The following RECQL4 variants were observed in gnomAD, a reference collection of about 807,000 sequenced individuals.
RECQL4 encodes the protein ATP-dependent DNA helicase Q4.
In RECQL4, 158 loss-of-function variants were observed where a neutral mutation model predicts 128.6. That is an observed-to-expected ratio of 1.23 (90% CI 1.08 to 1.40). The LOEUF (loss-of-function observed/expected upper bound fraction) is 1.40, where lower values mean the gene tolerates loss of function less well. RECQL4 is among the 40% of genes most tolerant of loss of function. The probability of loss-of-function intolerance (pLI) is 0.00; values close to 1 mark genes in which losing one functional copy is unlikely to be tolerated. For synonymous variants in RECQL4, 996 were observed against 678.9 expected (o/e 1.47, Z -7.26); for missense variants, 2,293 against 1,649.8 (o/e 1.39, Z -6.75).
Position 144,513,201 on chromosome 8 carries a change from G to T in RECQL4, c.2463+17C>A, listed in dbSNP as rs768547109. 5.4e-5 allele frequency: 41 copies of T among 762,572 alleles called. No homozygotes were observed. The South Asian group carries it at 8.3e-4, about 15-fold the overall frequency. The allele number at this position is 762,572 out of a possible 1,614,324, so 47.2% of individuals were successfully genotyped here. A position where few individuals can be genotyped will look rare whatever the true frequency, so the allele number is the denominator to read the frequency against. On this transcript the variant is annotated intron_variant, in intron 14 of 20. Transcript: ENST00000617875. ...GGGGGCTCGAGCACTGGCAGTGTGG[G>T]GGGGGGGGGTGCCAACCTGGGGCTG...
rs1357267553 is a variant in RECQL4, at chr8:144,517,429, G to A, written c.198C>T (p.Pro66=). 3.8e-6 allele frequency: 6 copies of A among 1,582,044 alleles called. No individual in the cohort carries two copies. The highest frequency in any genetic ancestry group is 3.5e-5 in the Admixed American group (2 of 57,050). ...GCCTGGGTACCTCTTCGGCCGCCGC[G>A]GGGAGCGACTCGGAGCTGCGGAGCC... The part of the protein sequence containing the change: ...GGGLRSSESL[P]AAAEEAPEPR... The change falls in exon 3 of 21, where the codon CCC becomes CCT. Residue 66 remains proline, a synonymous_variant. Transcript: ENST00000617875.
chr8:144,517,231 G>A (rs894769497), intron 3 of RECQL4, 41 bp from the exon 4 acceptor site: 2 of 1,554,902 alleles, frequency 1.3e-6, no homozygotes, highest in Non-Finnish European at 1.7e-6. Context: ...AAAGGCTGTT[G>A]TGGCGGCAGA....
chr8:144,512,553 G>A lies in RECQL4; in HGVS notation c.2894C>T (p.Pro965Leu), dbSNP rs766038992. 61 of 1,612,404 alleles carry A rather than the reference G, an allele frequency of 3.8e-5. No homozygotes were observed. The highest frequency in any genetic ancestry group is 4.7e-5 in the Non-Finnish European group (56 of 1,179,780). Reference sequence around the variant, plus strand: ...CTGCTGGGCCAAGCACACAGCCAAAGGGGGACACCTGTGCCCAGGGAAAAA... The same window carrying A: ...CTGCTGGGCCAAGCACACAGCCAAAAGGGGACACCTGTGCCCAGGGAAAAA... ...QLQALAHRCP[P>L]LAVCLAQQLP... Residue 965 changes from proline to leucine, a missense_variant, in exon 17 of 21, where the codon CCT becomes CTT. By Grantham distance (98) the Pro-to-Leu change is moderately conservative (BLOSUM62 -3). Coordinates refer to ENST00000617875, the MANE Select transcript of RECQL4 (RefSeq NM_004260.4).
At chr8:144,517,328 A>C in intron 3 of RECQL4, 86 bp downstream of exon 3, 1 of 1,481,278 alleles carries the variant, frequency 6.8e-7, no homozygotes, top group Non-Finnish European at 9.0e-7. Context: ...TCTGTGCCCC[A>C]CGGCGGCCTG....
intron 11 of RECQL4, 27 bp from the exon 12 acceptor site, chr8:144,514,134 G>C: frequency 6.2e-7 from 1 of 1,610,160 alleles, no homozygotes; most frequent in African/African-American, 1.3e-5. Flanking sequence ...AGTGGTGTGA[G>C]GCCGCCCAGC....
chr8:144,515,254 G>C lies in RECQL4; in HGVS notation c.1391-12C>G. 6.2e-7 allele frequency: 1 copy of C among 1,603,154 alleles called. No individual in the cohort carries two copies. Among genetic ancestry groups the C allele is most frequent in the South Asian group, 1.1e-5 (1 of 89,258 alleles). On this transcript the variant is annotated splice_polypyrimidine_tract_variant and intron_variant, in intron 7 of 20. Transcript: ENST00000617875. ...CTCAGCCGGCGTCTCTGCAGACACA[G>C]ATGTTGATCACCATGACTTGAGTCA... is the stretch of plus-strand genomic sequence containing the variant.
chr8:144,512,556 G>C lies in RECQL4; in HGVS notation c.2891C>G (p.Pro964Arg). ...CTGGGCCAAGCACACAGCCAAAGGGGGACACCTGTGCCCAGGGAAAAAGGG... is the reference window on the plus strand; with the variant it reads ...CTGGGCCAAGCACACAGCCAAAGGGCGACACCTGTGCCCAGGGAAAAAGGG... ...AQLQALAHRC[P>R]PLAVCLAQQL... Residue 964 changes from proline to arginine, a missense_variant, in exon 17 of 21, where the codon CCC becomes CGC. Pro to Arg is a moderately radical substitution (Grantham distance 103). Coordinates refer to ENST00000617875, the MANE Select transcript of RECQL4 (RefSeq NM_004260.4). 1.2e-6 allele frequency: 2 copies of C among 1,612,514 alleles called. No individual in the cohort carries two copies. Among genetic ancestry groups the C allele is most frequent in the South Asian group, 1.1e-5 (1 of 91,086 alleles).
At chr8:144,515,736 G>A in intron 6 of RECQL4, 28 bp downstream of exon 6, 1 of 1,610,048 alleles carries the variant, frequency 6.2e-7, no homozygotes, top group Non-Finnish European at 8.5e-7. Flanking sequence ...GTGTTGGCCG[G>A]ACCCACCCTC....
Position 144,517,652 on chromosome 8 carries a change from T to G in RECQL4, c.85-17A>C, listed in dbSNP as rs1008911481. 6 of 1,475,372 alleles carry G rather than the reference T, an allele frequency of 4.1e-6. No homozygotes were observed. The highest frequency in any genetic ancestry group is 2.9e-5 in the East Asian group (1 of 34,354). 91.4% of individuals were successfully genotyped at this position (1,475,372 alleles called of 1,614,324 possible). The stretch of plus-strand genomic sequence containing the variant: ...CACGTCGTCCTGTAAAGGGAACGCG[T>G]CAGCCGCGGGCCGCGCCCTCAGCCC... On this transcript the variant is annotated splice_polypyrimidine_tract_variant and intron_variant, in intron 1 of 20. Coordinates refer to ENST00000617875, the MANE Select transcript of RECQL4 (RefSeq NM_004260.4).
rs764923707 is a variant in RECQL4, at chr8:144,517,523, G to C, written c.119-15C>G. 5 of 1,575,774 alleles carry C rather than the reference G, an allele frequency of 3.2e-6. No individual in the cohort carries two copies. The highest frequency in any genetic ancestry group is 3.4e-6 in the Non-Finnish European group (4 of 1,167,748). On this transcript the variant is annotated splice_polypyrimidine_tract_variant and intron_variant, in intron 2 of 20. Coordinates refer to ENST00000617875, the MANE Select transcript of RECQL4 (RefSeq NM_004260.4). The stretch of plus-strand genomic sequence containing the variant: ...CCGGTAGAGCGCTGCGTGGGCGAGC[G>C]GGAGGCGGGGTCAGGGTGGGGCCTG...
rs760412364 is a variant in RECQL4 at position 144,514,400 on chromosome 8, C to T, written c.1705-38G>A. The T allele has an allele frequency of 2.2e-5, 35 of 1,600,632 alleles. 1 individual carries two copies. The East Asian group carries it at 3.6e-4, about 16-fold the overall frequency. ...AGATCAGAGGCACAGCCCAGGTGCCCGCCCGCTGCCTCCCTCACCCCTAGG... is the reference window on the plus strand; with the variant it reads ...AGATCAGAGGCACAGCCCAGGTGCCTGCCCGCTGCCTCCCTCACCCCTAGG... On this transcript the variant is annotated intron_variant, in intron 10 of 20. Coordinates refer to ENST00000617875, the MANE Select transcript of RECQL4 (RefSeq NM_004260.4).
intron 9 of RECQL4, among the ~76,000 whole-genome samples, 198 bp from the exon 10 acceptor site, chr8:144,514,723 T>C (rs896419860): frequency 3.9e-5 from 6 of 152,158 alleles, no homozygotes; most frequent in African/African-American, 1.2e-4. Context: ...GAAGTAGGGA[T>C]GGCTCCTTTC....
chr8:144,516,680 G>A lies in RECQL4; in HGVS notation c.439C>T (p.Pro147Ser). 6.3e-7 allele frequency: 1 copy of A among 1,580,220 alleles called. No homozygotes were observed. The highest frequency in any genetic ancestry group is 2.2e-5 in the East Asian group (1 of 44,580). Residue 147 changes from proline (P) to serine (S), a missense_variant, in exon 5 of 21, where the codon CCT becomes TCT. Transcript: ENST00000617875. ...ASTPKPPGTGPVPSFAEKVSD... is the reference protein window; with the variant it reads ...ASTPKPPGTGSVPSFAEKVSD... ...ACTTTTTCTGCAAAGGAGGGGACAGGCCCTGTACCTGGGGGCTTTGGGGTG... is the reference window on the plus strand; with the variant it reads ...ACTTTTTCTGCAAAGGAGGGGACAGACCCTGTACCTGGGGGCTTTGGGGTG...
At position 144,512,404 on chromosome 8, in the gene RECQL4, CGTG is replaced by C. The variant is rs1827421175; in HGVS notation, c.3040_3042del (p.His1014del). The C allele has an allele frequency of 1.9e-6, 3 of 1,607,238 alleles. No individual in the cohort carries two copies. The highest frequency in any genetic ancestry group is 2.6e-6 in the Non-Finnish European group (3 of 1,176,218). On this transcript the variant is annotated inframe_deletion, in exon 17 of 21. Coordinates refer to ENST00000617875, the MANE Select transcript of RECQL4 (RefSeq NM_004260.4). Reference sequence around the variant, plus strand: ...GGGAGAGGCGCACCTGTCCTGGGCTCGTGGTCCCACTGCAGCTGGCAGAGAGCC... The same window carrying C: ...GGGAGAGGCGCACCTGTCCTGGGCTCGTCCCACTGCAGCTGGCAGAGAGCC...
At position 144,517,691 on chromosome 8, in the gene RECQL4, C is replaced by A; in HGVS notation, c.84+10G>T. The A allele has an allele frequency of 7.1e-7, 1 of 1,416,684 alleles. No individual in the cohort carries two copies. Among genetic ancestry groups the A allele is most frequent in the South Asian group, 1.4e-5 (1 of 69,650 alleles). 87.8% of individuals were successfully genotyped at this position (1,416,684 alleles called of 1,614,324 possible). Reference sequence around the variant, plus strand: ...CGCCCTCAGCCCCTCGGCCCCTGGGCAGCCCGCACCTGGCTCGGTCGCCGC... The same window carrying A: ...CGCCCTCAGCCCCTCGGCCCCTGGGAAGCCCGCACCTGGCTCGGTCGCCGC... On this transcript the variant is annotated intron_variant, in intron 1 of 20. Coordinates refer to ENST00000617875, the MANE Select transcript of RECQL4 (RefSeq NM_004260.4).
chr8:144,516,366 G>A lies in RECQL4; in HGVS notation c.753C>T (p.Ser251=), dbSNP rs1202043761. Reference sequence around the variant, plus strand: ...CGCCTCCACTGCTGCTGGGCTGGGGGCTCCCCACACGGATGCTGACTTCTT... The same window carrying A: ...CGCCTCCACTGCTGCTGGGCTGGGGACTCCCCACACGGATGCTGACTTCTT... ...AFQEVSIRVG[S]PQPSSSGGEK... is the part of the protein sequence containing the mutation. Residue 251 remains serine (S), a synonymous_variant, in exon 5 of 21, where the codon AGC becomes AGT. Transcript: ENST00000617875. 1.9e-6 allele frequency: 3 copies of A among 1,610,042 alleles called. No individual in the cohort carries two copies. Among genetic ancestry groups the A allele is most frequent in the South Asian group, 1.1e-5 (1 of 91,014 alleles).
rs2130719977 is a variant in RECQL4 at position 144,516,206 on chromosome 8, C to T, written c.913G>A (p.Ala305Thr). The T allele has an allele frequency of 5.0e-6, 8 of 1,613,308 alleles. No individual in the cohort carries two copies. Among genetic ancestry groups the T allele is most frequent in the Non-Finnish European group, 6.8e-6 (8 of 1,179,862 alleles). Residue 305 changes from alanine (A) to threonine (T), a missense_variant, in exon 5 of 21, where the codon GCA becomes ACA. By Grantham distance (58) the Ala-to-Thr change is moderately conservative. Coordinates refer to ENST00000617875, the MANE Select transcript of RECQL4 (RefSeq NM_004260.4). ...EEDPPGEPVQ[A>T]QPPQPCSSPS... is the part of the protein sequence containing the mutation. Reference sequence around the variant, plus strand: ...CTGCTGCAGGGCTGAGGTGGCTGTGCCTGTACAGGTTCCCCTGGAGGGTCT... The same window carrying T: ...CTGCTGCAGGGCTGAGGTGGCTGTGTCTGTACAGGTTCCCCTGGAGGGTCT...
At position 144,514,359 on chromosome 8, in the gene RECQL4, G is replaced by A. The variant is rs373178405; in HGVS notation, c.1708C>T (p.Arg570Trp). The A allele has an allele frequency of 5.1e-4, 823 of 1,600,080 alleles. No individual in the cohort carries two copies. Among genetic ancestry groups the A allele is most frequent in the Admixed American group, 9.8e-4 (58 of 59,418 alleles). The change falls in exon 11 of 21, where the codon CGG becomes TGG. Residue 570 changes from arginine (R) to tryptophan (W), a missense_variant. Coordinates refer to ENST00000617875, the MANE Select transcript of RECQL4 (RefSeq NM_004260.4). ...ATCAGCACGTGTACCTGGGCTGCCC[G>A]AATCTGAAGGCAGCAAGATCAGAGG... ...KQRESVLQKI[R>W]AAQVHVLMLT...
In RECQL4 at chr8:144,511,944, C is replaced by G. The variant is rs770246912; in HGVS notation, c.3360G>C (p.Glu1120Asp). The G allele has an allele frequency of 3.7e-6, 6 of 1,611,464 alleles. No individual in the cohort carries two copies. In the Admixed American group the frequency reaches 5.0e-5, roughly 13 times the overall value. The change falls in exon 19 of 21, where the codon GAG becomes GAC. Residue 1120 changes from glutamate to aspartate, a missense_variant. Physicochemically the swap from Glu to Asp is conservative, Grantham distance 45. Coordinates refer to ENST00000617875, the MANE Select transcript of RECQL4 (RefSeq NM_004260.4). ...GCCCTGGCTCGGGGCCCTGTGCGTC[C>G]TCCATGCCTCCCGGCTCCTGCCCTT... Reference protein sequence around the residue: ...EEEGQEPGGMEDAQGPEPGQA... With the variant: ...EEEGQEPGGMDDAQGPEPGQA...
Sources: gnomAD v4.1 joint callset for allele counts (sites outside exome capture counted in the v4.1 genomes callset) on GRCh38, gnomAD v4.1.1 for gene constraint, MANE v1.5 for transcripts, NCBI Gene and HGNC (gene_info 2026-07-23, HGNC 2026-07-21) for gene names.